The following CSRNP3 variants were observed in gnomAD, a reference collection of about 807,000 sequenced individuals.
The protein encoded by CSRNP3 is cysteine and serine rich nuclear protein 3.
A neutral mutation model predicts 48.0 loss-of-function variants in CSRNP3; 12 were observed. The ratio of observed to expected loss-of-function variants is 0.25; its 90% CI spans 0.16 to 0.41. The LOEUF is 0.41. Among genes scored for constraint, CSRNP3 ranks in the 10% least tolerant of loss-of-function variants. CSRNP3 has a pLI of 1.00. For missense variants in CSRNP3, 580 were observed against 724.4 expected (o/e 0.80, Z 2.29); for synonymous variants, 263 against 269.7 (o/e 0.98, Z 0.24).
intron 3 of CSRNP3, among the ~76,000 whole-genome samples, chr2:165,525,972 G>A (rs1338842203): frequency 2.0e-5 from 3 of 152,112 alleles, no homozygotes; most frequent in Admixed American, 6.5e-5. Context: ...ACATCCAATA[G>A]TTTCATCACT....
intron 4 of CSRNP3, among the ~76,000 whole-genome samples, chr2:165,630,375 T>A (rs1686515811): frequency 6.6e-6 from 1 of 152,202 alleles, no homozygotes; most frequent in Non-Finnish European, 1.5e-5. Flanking sequence ...TCCCTCTGAT[T>A]TATTGCCTTT....
intron 3 of CSRNP3, among the ~76,000 whole-genome samples, chr2:165,553,093 T>A (rs1043414818): frequency 6.6e-6 from 1 of 152,204 alleles, no homozygotes; most frequent in African/African-American, 2.4e-5. Flanking sequence ...TTTCATTTTT[T>A]TCCTATGTAT....
intron 4 of CSRNP3, among the ~76,000 whole-genome samples, chr2:165,620,891 C>G (rs1313064595): frequency 1.3e-5 from 2 of 152,000 alleles, no homozygotes. Flanking sequence ...CTTTCCATCC[C>G]TGAATTACAT....
intron 3 of CSRNP3, among the ~76,000 whole-genome samples, chr2:165,576,614 A>G (rs1685454975): frequency 6.6e-6 from 1 of 152,046 alleles, no homozygotes. Context: ...ATGGCTTTGA[A>G]TATCCTGGAT....
chr2:165,595,931 G>A (rs925734561), intron 4 of CSRNP3, among the ~76,000 whole-genome samples: 5 of 151,904 alleles, frequency 3.3e-5, no homozygotes, highest in Non-Finnish European at 5.9e-5. Context: ...AGAGTAGCTG[G>A]GACTGCAGGT....
chr2:165,522,855 C>T (rs1214220936), intron 3 of CSRNP3, among the ~76,000 whole-genome samples: 2 of 152,030 alleles, frequency 1.3e-5, no homozygotes, highest in African/African-American at 4.8e-5. Flanking sequence ...ATAGTGAATC[C>T]TTTCTTGTAC....
At chr2:165,608,071 G>A (rs975301430) in intron 4 of CSRNP3, among the ~76,000 whole-genome samples, 11 of 149,334 alleles carry the variant, frequency 7.4e-5, no homozygotes, top group Admixed American at 4.7e-4. Flanking sequence ...ATTTACCCAC[G>A]TATATATATA....
At chr2:165,618,558 A>AGAT (rs1686289162) in intron 4 of CSRNP3, among the ~76,000 whole-genome samples, 1 of 152,228 alleles carries the variant, frequency 6.6e-6, no homozygotes, top group Non-Finnish European at 1.5e-5. Flanking sequence ...AGCAACAGAA[A>AGAT]GATCATATGA....
At chr2:165,541,267 T>G (rs1300796098) in intron 3 of CSRNP3, among the ~76,000 whole-genome samples, 1 of 152,018 alleles carries the variant, frequency 6.6e-6, no homozygotes, top group Non-Finnish European at 1.5e-5. Flanking sequence ...GGTTCTTTTT[T>G]AATTGGATAA....
chr2:165,668,335 CTCTGTTT>C (rs993635188), intron 5 of CSRNP3, among the ~76,000 whole-genome samples: 8 of 151,496 alleles, frequency 5.3e-5, no homozygotes, highest in African/African-American at 1.9e-4. Flanking sequence ...TTGGTTTGCT[CTCTGTTT>C]TCTTCTTTCC....
intron 3 of CSRNP3, among the ~76,000 whole-genome samples, chr2:165,550,871 T>G (rs900418770): frequency 7.9e-5 from 12 of 152,210 alleles, no homozygotes; most frequent in African/African-American, 2.9e-4. Context: ...AACAGCCATT[T>G]GGGAACATGA....
chr2:165,525,428 T>C (rs1416360872), intron 3 of CSRNP3, among the ~76,000 whole-genome samples: 4 of 151,884 alleles, frequency 2.6e-5, no homozygotes, highest in African/African-American at 4.8e-5. Flanking sequence ...ATGATATCAG[T>C]TTTTTTCTTC....
chr2:165,633,367 C>G (rs1476579303), intron 4 of CSRNP3, among the ~76,000 whole-genome samples: 1 of 152,166 alleles, frequency 6.6e-6, no homozygotes, highest in Non-Finnish European at 1.5e-5. Flanking sequence ...TATTGTGAAG[C>G]CTCGAATTCT....
intron 3 of CSRNP3, among the ~76,000 whole-genome samples, chr2:165,586,076 A>T (rs1194403430): frequency 1.3e-5 from 2 of 152,168 alleles, no homozygotes; most frequent in Non-Finnish European, 2.9e-5. Flanking sequence ...CATCTCATTA[A>T]AGTGAACATC....
At chr2:165,591,899 C>G (rs1685723596) in intron 3 of CSRNP3, among the ~76,000 whole-genome samples, 1 of 152,220 alleles carries the variant, frequency 6.6e-6, no homozygotes. Flanking sequence ...AGCCCCCACA[C>G]AGAGTCCCCA....
rs899882189 is a variant in CSRNP3, at chr2:165,680,040, A to T, written c.*287A>T. On this transcript the variant is annotated 3_prime_UTR_variant, in exon 7 of 7. Coordinates refer to ENST00000651982, the MANE Select transcript of CSRNP3 (RefSeq NM_001172173.2). ...CCTGTCAAACTGTGTGAAACCTGCC[A>T]ATCTGTGTAGATCAGAGCTCCAAAT... is the stretch of plus-strand genomic sequence containing the variant. 2.6e-6 allele frequency: 1 copy of T among 381,054 alleles called. No individual in the cohort carries two copies. Among genetic ancestry groups the T allele is most frequent in the Non-Finnish European group, 4.7e-6 (1 of 212,314 alleles). 23.6% of individuals were successfully genotyped at this position (381,054 alleles called of 1,614,324 possible). A position where few individuals can be genotyped will look rare whatever the true frequency, so the allele number is the denominator to read the frequency against.
In CSRNP3 at chr2:165,553,192, T is replaced by G. The variant is rs1012453105; in HGVS notation, c.-24+35231T>G. Among the ~76,000 whole-genome samples, 3 of 152,168 alleles carry G rather than the reference T, an allele frequency of 2.0e-5. 1 individual carries two copies. The East Asian group carries it at 5.8e-4, about 29-fold the overall frequency. ...ATTGTCTAGCCTCTACCTCCTATCT[T>G]TCTAGCTCTCTTCTTCCAGTGATCA... On this transcript the variant is annotated intron_variant, in intron 3 of 6. Transcript: ENST00000651982.
chr2:165,482,359 G>T (rs1684059283), intron 1 of CSRNP3, among the ~76,000 whole-genome samples: 1 of 151,606 alleles, frequency 6.6e-6, no homozygotes, highest in Non-Finnish European at 1.5e-5. Flanking sequence ...CACCTCCTGA[G>T]TCCAAGCGAT....
Position 165,686,240 on chromosome 2 carries a change from C to G in CSRNP3, c.*6487C>G, listed in dbSNP as rs1426753627. 1 of 152,062 alleles carries G rather than the reference C, an allele frequency of 6.6e-6. No homozygotes were observed. The highest frequency in any genetic ancestry group is 1.9e-4 in the East Asian group (1 of 5,188). 9.4% of individuals were successfully genotyped at this position (152,062 alleles called of 1,614,324 possible). A position where few individuals can be genotyped will look rare whatever the true frequency, so the allele number is the denominator to read the frequency against. Reference sequence around the variant, plus strand: ...CACCAGAGACCTTCATCAAGTCCTACTGCCACACTGGATAAGGCCACTACC... The same window carrying G: ...CACCAGAGACCTTCATCAAGTCCTAGTGCCACACTGGATAAGGCCACTACC... On this transcript the variant is annotated 3_prime_UTR_variant, in exon 7 of 7. Coordinates refer to ENST00000651982, the MANE Select transcript of CSRNP3 (RefSeq NM_001172173.2).
Sources: gnomAD v4.1 joint callset for allele counts (sites outside exome capture counted in the v4.1 genomes callset) on GRCh38, gnomAD v4.1.1 for gene constraint, MANE v1.5 for transcripts, NCBI Gene and HGNC (gene_info 2026-07-23, HGNC 2026-07-21) for gene names.